FAM83B: variants seen among roughly 807,000 people sequenced by gnomAD.
FAM83B encodes the protein scaffolding CK1 anchoring protein B.
FAM83B carries 26 observed loss-of-function variants against 38.8 expected under a neutral mutation model. The observed-to-expected ratio is 0.67, with a 90% CI of 0.49 to 0.93. The LOEUF is 0.93. Among genes scored for constraint, FAM83B ranks in the 40% least tolerant of loss-of-function variants. The probability of loss-of-function intolerance (pLI) is 0.00; values close to 1 mark genes in which losing one functional copy is unlikely to be tolerated. For synonymous variants in FAM83B, 419 were observed against 423.1 expected (o/e 0.99, Z 0.12); for missense variants, 1,237 against 1,197.3 (o/e 1.03, Z -0.49).
At chr6:54,927,784 A>C in intron 4 of FAM83B, 152 bp downstream of exon 4, 1 of 616,594 alleles carries the variant, frequency 1.6e-6, no homozygotes, top group African/African-American at 1.9e-5. Flanking sequence ...TTAGAGACCT[A>C]GGTTTGAGTC....
intron 2 of FAM83B, among the ~76,000 whole-genome samples, chr6:54,878,453 C>T (rs1002010882): frequency 3.3e-5 from 5 of 152,066 alleles, no homozygotes; most frequent in African/African-American, 9.7e-5. Flanking sequence ...AGGTAGTTTG[C>T]AATTTTAAAT....
At chr6:54,890,415 C>T (rs866900013) in intron 2 of FAM83B, among the ~76,000 whole-genome samples, 12 of 152,002 alleles carry the variant, frequency 7.9e-5, no homozygotes, top group South Asian at 2.1e-4. Context: ...GATTTATTTA[C>T]GTAGTTTCAC....
chr6:54,854,211 A>G (rs1771384814), intron 1 of FAM83B, among the ~76,000 whole-genome samples: 1 of 152,238 alleles, frequency 6.6e-6, no homozygotes, highest in Admixed American at 6.5e-5. Flanking sequence ...TGAAGGTGCT[A>G]TGAACATTGT....
Position 54,940,062 on chromosome 6 carries a change from C to A in FAM83B, c.1091C>A (p.Pro364His). The change falls in exon 5 of 5, where the codon CCT becomes CAT. Residue 364 changes from proline to histidine, a missense_variant. Transcript: ENST00000306858. ...RSHGYKPHFV[P>H]NFNGPNAIRQ... Reference sequence around the variant, plus strand: ...CACGGATACAAACCTCATTTTGTTCCTAACTTTAATGGTCCAAACGCAATA... The same window carrying A: ...CACGGATACAAACCTCATTTTGTTCATAACTTTAATGGTCCAAACGCAATA... 2 of 1,613,936 alleles carry A rather than the reference C, an allele frequency of 1.2e-6. No homozygotes were observed. The highest frequency in any genetic ancestry group is 1.7e-6 in the Non-Finnish European group (2 of 1,179,948).
At chr6:54,927,432 C>A in intron 3 of FAM83B, 76 bp from the exon 4 acceptor site, 2 of 1,203,060 alleles carry the variant, frequency 1.7e-6, no homozygotes, top group African/African-American at 1.6e-5. Context: ...AAGATTCTAT[C>A]ATGATATGGA....
intron 2 of FAM83B, among the ~76,000 whole-genome samples, chr6:54,885,734 G>A (rs576217083): frequency 4.7e-5 from 7 of 150,324 alleles, no homozygotes; most frequent in Middle Eastern, 3.5e-3. Flanking sequence ...ACCAAACACC[G>A]CACGTTCTCA....
At chr6:54,922,332 A>T (rs555781239) in intron 2 of FAM83B, among the ~76,000 whole-genome samples, 2 of 152,172 alleles carry the variant, frequency 1.3e-5, no homozygotes, top group Admixed American at 1.3e-4. Flanking sequence ...TATTCAAAAA[A>T]TTCTGATTAA....
intron 2 of FAM83B, among the ~76,000 whole-genome samples, chr6:54,908,016 G>T (rs1963697): frequency 0.41 from 62,691 of 151,356 alleles, 13,900 homozygotes; most frequent in East Asian, 0.87. Context: ...GTTCTTCTTG[G>T]CCATAATTTA....
At chr6:54,862,886 C>A (rs950222828) in intron 1 of FAM83B, among the ~76,000 whole-genome samples, 10 of 150,830 alleles carry the variant, frequency 6.6e-5, no homozygotes, top group Admixed American at 2.0e-4. Flanking sequence ...CCCAAAAAAA[C>A]CACGAAAAAA....
rs1773767501 is a variant in FAM83B, at chr6:54,944,796, G to T, written c.*2789G>T. 1 of 151,892 alleles carries T rather than the reference G, an allele frequency of 6.6e-6. No individual in the cohort carries two copies. The allele number at this position is 151,892 out of a possible 1,614,324, so 9.4% of individuals were successfully genotyped here. Reference sequence around the variant, plus strand: ...CTATATATGTGACATGTACGTTGCTGTTTTTTTTAAAATAACTTTATCATG... The same window carrying T: ...CTATATATGTGACATGTACGTTGCTTTTTTTTTTAAAATAACTTTATCATG... On this transcript the variant is annotated 3_prime_UTR_variant, in exon 5 of 5. Coordinates refer to ENST00000306858, the MANE Select transcript of FAM83B (RefSeq NM_001010872.3).
intron 4 of FAM83B, among the ~76,000 whole-genome samples, chr6:54,928,558 G>C (rs1346333769): frequency 6.6e-6 from 1 of 151,804 alleles, no homozygotes; most frequent in Admixed American, 6.6e-5. Flanking sequence ...CTTTAAGCTC[G>C]GGACCTTTTT....
At chr6:54,858,754 A>G (rs1771504424) in intron 1 of FAM83B, among the ~76,000 whole-genome samples, 1 of 152,212 alleles carries the variant, frequency 6.6e-6, no homozygotes. Context: ...TGACTTTAAC[A>G]TAATAAAATA....
At chr6:54,909,399 C>T (rs1772853248) in intron 2 of FAM83B, among the ~76,000 whole-genome samples, 1 of 152,060 alleles carries the variant, frequency 6.6e-6, no homozygotes, top group Non-Finnish European at 1.5e-5. Context: ...CGGTTCTTGC[C>T]ATTACTTTCA....
chr6:54,922,279 A>C (rs764850851), intron 2 of FAM83B, among the ~76,000 whole-genome samples: 9 of 152,050 alleles, frequency 5.9e-5, no homozygotes, highest in Non-Finnish European at 1.3e-4. Flanking sequence ...AAATTTTTAA[A>C]TATGCTAATT....
chr6:54,857,742 T>C (rs1771475116), intron 1 of FAM83B, among the ~76,000 whole-genome samples: 1 of 152,138 alleles, frequency 6.6e-6, no homozygotes, highest in Admixed American at 6.5e-5. Flanking sequence ...AAATAGCACA[T>C]AAATAAATAT....
At chr6:54,860,045 G>T (rs534896237) in intron 1 of FAM83B, among the ~76,000 whole-genome samples, 1 of 5,688 alleles carries the variant, frequency 1.8e-4, no homozygotes, top group Non-Finnish European at 1.3e-3. Context: ...CACCCTCATT[G>T]TGTGTGTGTG....
At chr6:54,874,312 A>C (rs1771937905) in intron 2 of FAM83B, among the ~76,000 whole-genome samples, 1 of 152,020 alleles carries the variant, frequency 6.6e-6, no homozygotes, top group African/African-American at 2.4e-5. Flanking sequence ...TTTGTTTGAG[A>C]ACTTTCCTTT....
chr6:54,901,105 G>A (rs923453002), intron 2 of FAM83B, among the ~76,000 whole-genome samples: 7 of 152,126 alleles, frequency 4.6e-5, no homozygotes, highest in African/African-American at 1.7e-4. Context: ...ATCTAGCCAA[G>A]CCAGGATTCT....
At chr6:54,929,234 C>A (rs1255378424) in intron 4 of FAM83B, among the ~76,000 whole-genome samples, 1 of 152,080 alleles carries the variant, frequency 6.6e-6, no homozygotes, top group Admixed American at 6.6e-5. Flanking sequence ...TAGTTTTGAA[C>A]TAGTTTGGTT....
Sources: gnomAD v4.1 joint callset for allele counts (sites outside exome capture counted in the v4.1 genomes callset) on GRCh38, gnomAD v4.1.1 for gene constraint, MANE v1.5 for transcripts, NCBI Gene and HGNC (gene_info 2026-07-23, HGNC 2026-07-21) for gene names.